Variants in EFCAB11 observed in about 807,000 individuals in gnomAD.
EFCAB11 encodes EF-hand calcium binding domain 11.
In EFCAB11, 14 loss-of-function variants were observed where a neutral mutation model predicts 23.0. The observed-to-expected ratio is 0.61, with a 90% CI of 0.40 to 0.95. The LOEUF is 0.95. EFCAB11 is among the 40% of genes least tolerant of loss of function. The pLI is 0.00. For missense variants in EFCAB11, 198 were observed against 195.8 expected (o/e 1.01, Z -0.07); for synonymous variants, 65 against 66.6 (o/e 0.98, Z 0.11).
chr14:89,908,127 AC>A (rs951658858), intron 5 of EFCAB11, among the ~76,000 whole-genome samples: 83 of 152,284 alleles, frequency 5.5e-4, no homozygotes, highest in African/African-American at 2.0e-3. Context: ...CAAGATTAAT[AC>A]CCATTTGTCT....
chr14:89,902,326 T>C (rs904351995), intron 5 of EFCAB11, among the ~76,000 whole-genome samples: 1 of 152,184 alleles, frequency 6.6e-6, no homozygotes, highest in Admixed American at 6.5e-5. Flanking sequence ...TTTATTCTGT[T>C]TTACTTTTCT....
intron 5 of EFCAB11, among the ~76,000 whole-genome samples, chr14:89,897,065 A>T (rs1889191577): frequency 6.6e-6 from 1 of 152,088 alleles, no homozygotes; most frequent in Non-Finnish European, 1.5e-5. Context: ...TAGATAAAAC[A>T]AGGATAAATA....
At position 89,795,841 on chromosome 14, in the gene EFCAB11, C is replaced by T. The variant is rs866455045; in HGVS notation, c.*1402G>A. ...TGACTAATGTTCATGTTATGCATTCCGTACACTTATAAATAAGAGTACTGA... is the reference window on the plus strand; with the variant it reads ...TGACTAATGTTCATGTTATGCATTCTGTACACTTATAAATAAGAGTACTGA... On this transcript the variant is annotated 3_prime_UTR_variant, in exon 6 of 6. Coordinates refer to ENST00000316738, the MANE Select transcript of EFCAB11 (RefSeq NM_145231.4). 2.0e-5 allele frequency: 3 copies of T among 152,070 alleles called. No individual in the cohort carries two copies. The highest frequency in any genetic ancestry group is 2.1e-4 in the South Asian group (1 of 4,814). 9.4% of individuals were successfully genotyped at this position (152,070 alleles called of 1,614,324 possible).
At chr14:89,891,962 C>A (rs999696852) in intron 5 of EFCAB11, among the ~76,000 whole-genome samples, 1 of 152,104 alleles carries the variant, frequency 6.6e-6, no homozygotes, top group African/African-American at 2.4e-5. Context: ...GCTGCAGCTG[C>A]GGGCTGGGCC....
chr14:89,842,067 T>C lies in EFCAB11; in HGVS notation c.411-44743A>G, dbSNP rs941732094. ...ACTCCCAGGTGCTGAACCTGAAACC[T>C]AGATTCAGTCTTGATGCCTACCTAT... On this transcript the variant is annotated intron_variant, in intron 5 of 5. Coordinates refer to ENST00000316738, the MANE Select transcript of EFCAB11 (RefSeq NM_145231.4). Among the ~76,000 whole-genome samples the C allele has an allele frequency of 2.6e-5, 4 of 152,182 alleles. No homozygotes were observed. In the East Asian group the frequency reaches 5.8e-4, roughly 22 times the overall value.
At chr14:89,939,639 C>T (rs1890721391) in intron 3 of EFCAB11, among the ~76,000 whole-genome samples, 1 of 152,238 alleles carries the variant, frequency 6.6e-6, no homozygotes, top group Admixed American at 6.5e-5. Flanking sequence ...GGGGGCAGTG[C>T]TGCCCTCCTG....
At position 89,795,737 on chromosome 14, in the gene EFCAB11, G is replaced by A. The variant is rs1885556961; in HGVS notation, c.*1506C>T. On this transcript the variant is annotated 3_prime_UTR_variant, in exon 6 of 6. Transcript: ENST00000316738. ...AATTTGTATGATAATGACGCTTAAT[G>A]TTTCCATATTACAAATTTACAATTT... is the stretch of plus-strand genomic sequence containing the variant. The A allele has an allele frequency of 6.6e-6, 1 of 152,134 alleles. No individual in the cohort carries two copies. The highest frequency in any genetic ancestry group is 2.1e-4 in the South Asian group (1 of 4,826). The allele number at this position is 152,134 out of a possible 1,614,324, so 9.4% of individuals were successfully genotyped here.
chr14:89,831,931 C>T (rs8021963), intron 5 of EFCAB11, among the ~76,000 whole-genome samples: 133,791 of 152,098 alleles, frequency 0.88, 59,020 homozygotes, highest in African/African-American at 0.9. Flanking sequence ...AGATATGGAG[C>T]GGGTGGTGGT....
chr14:89,950,513 T>C (rs1891131236), intron 2 of EFCAB11, among the ~76,000 whole-genome samples: 1 of 152,148 alleles, frequency 6.6e-6, no homozygotes, highest in Non-Finnish European at 1.5e-5. Flanking sequence ...TTTAAGATTT[T>C]TTTCCTAATT....
At chr14:89,886,767 G>A (rs74852683) in intron 5 of EFCAB11, among the ~76,000 whole-genome samples, 4 of 152,062 alleles carry the variant, frequency 2.6e-5, no homozygotes, top group African/African-American at 4.8e-5. Flanking sequence ...TTAGTATCTC[G>A]ATATTTGGAA....
At chr14:89,822,680 G>A (rs796813442) in intron 5 of EFCAB11, among the ~76,000 whole-genome samples, 11 of 152,260 alleles carry the variant, frequency 7.2e-5, no homozygotes, top group African/African-American at 2.6e-4. Context: ...GAACTTACAG[G>A]TACAGATCAG....
chr14:89,924,175 A>G (rs918828948), intron 5 of EFCAB11: 2 of 985,816 alleles, frequency 2.0e-6, no homozygotes, highest in African/African-American at 3.5e-5. Flanking sequence ...TGACATTCTC[A>G]TTTTCACCCA....
At chr14:89,855,517 T>C (rs1037246808) in intron 5 of EFCAB11, among the ~76,000 whole-genome samples, 5 of 152,152 alleles carry the variant, frequency 3.3e-5, no homozygotes, top group Middle Eastern at 3.2e-3. Context: ...ATTTAACATA[T>C]ACAACATGAT....
intron 5 of EFCAB11, among the ~76,000 whole-genome samples, chr14:89,861,877 G>GAAATAA (rs1371918715): frequency 1.3e-5 from 2 of 152,202 alleles, no homozygotes; most frequent in Non-Finnish European, 2.9e-5. Context: ...AGAACTGTGA[G>GAAATAA]AAATAAATTT....
At chr14:89,877,849 A>G (rs981166235) in intron 5 of EFCAB11, among the ~76,000 whole-genome samples, 10 of 152,194 alleles carry the variant, frequency 6.6e-5, no homozygotes, top group African/African-American at 2.4e-4. Flanking sequence ...TTTGAGAGGC[A>G]CTGCACACTT....
chr14:89,857,547 A>G (rs377275412), intron 5 of EFCAB11, among the ~76,000 whole-genome samples: 1 of 152,202 alleles, frequency 6.6e-6, no homozygotes, highest in Non-Finnish European at 1.5e-5. Flanking sequence ...AAAATCACCA[A>G]TAAAATGCTG....
intron 5 of EFCAB11, among the ~76,000 whole-genome samples, chr14:89,925,166 C>A (rs932498493): frequency 1.3e-5 from 2 of 152,138 alleles, no homozygotes; most frequent in Non-Finnish European, 2.9e-5. Context: ...AAAGGCACTG[C>A]AAACAGAATG....
At chr14:89,932,979 A>T (rs1215120896) in intron 3 of EFCAB11, among the ~76,000 whole-genome samples, 1 of 152,222 alleles carries the variant, frequency 6.6e-6, no homozygotes, top group Non-Finnish European at 1.5e-5. Context: ...ACAAGGTCTC[A>T]TAATTTTTGT....
chr14:89,934,863 T>A lies in EFCAB11; in HGVS notation c.218-2236A>T, dbSNP rs74967252. 4.5e-3 allele frequency among the ~76,000 whole-genome samples: 681 copies of A among 152,248 alleles called. 7 individuals carry two copies. The highest frequency in any genetic ancestry group is 5.8e-3 in the Non-Finnish European group (393 of 68,016). On this transcript the variant is annotated intron_variant, in intron 3 of 5. Transcript: ENST00000316738. ...ATCTAGAGTAGCCGAAATTCTTGAA[T>A]AATGTATTCACTGATAATGGCATGT...
Sources: gnomAD v4.1 joint callset for allele counts (sites outside exome capture counted in the v4.1 genomes callset) on GRCh38, gnomAD v4.1.1 for gene constraint, MANE v1.5 for transcripts, NCBI Gene and HGNC (gene_info 2026-07-23, HGNC 2026-07-21) for gene names.